RFX7: variants seen among roughly 807,000 people sequenced by gnomAD.
RFX7 encodes regulatory factor X7, also known as DNA-binding protein RFX7.
In RFX7, 26 loss-of-function variants were observed where a neutral mutation model predicts 111.8. That is an observed-to-expected ratio of 0.23 (90% CI 0.17 to 0.32). The LOEUF is 0.32. Among genes scored for constraint, RFX7 ranks in the 10% least tolerant of loss-of-function variants. The pLI is 1.00. For missense variants in RFX7, 1,573 were observed against 1,772.9 expected, an observed-to-expected ratio of 0.89 and a Z score of 2.02; for synonymous variants, 624 against 624.4, an observed-to-expected ratio of 1.00 and a Z score of 0.01.
chr15:56,105,827 A>C (rs568568572), intron 5 of RFX7, among the ~76,000 whole-genome samples: 7 of 152,314 alleles, frequency 4.6e-5, no homozygotes, highest in African/African-American at 1.7e-4. Context: ...GCTCCAGAGA[A>C]TGAAGGAAAG....
chr15:56,205,922 T>C (rs1267138841), intron 2 of RFX7, among the ~76,000 whole-genome samples: 1 of 152,098 alleles, frequency 6.6e-6, no homozygotes, highest in African/African-American at 2.4e-5. Flanking sequence ...AAAAATTATA[T>C]AAAAACCCAG....
chr15:56,110,837 C>A (rs1595932997), intron 5 of RFX7, among the ~76,000 whole-genome samples: 1 of 5,410 alleles, frequency 1.8e-4, no homozygotes, highest in African/African-American at 2.0e-4. Flanking sequence ...GCCCTGCCGC[C>A]CCTACTGGGA....
rs764613013 is a variant in RFX7, at chr15:56,094,166, T to C, written c.3562A>G (p.Ile1188Val). The C allele has an allele frequency of 6.2e-7, 1 of 1,613,956 alleles. No individual in the cohort carries two copies. Among genetic ancestry groups the C allele is most frequent in the Non-Finnish European group, 8.5e-7 (1 of 1,179,874 alleles). The stretch of plus-strand genomic sequence containing the variant: ...AAGGGGGTCACATTAGATCGTGGGA[T>C]ATTAGATACTGGATAGAGGGTGCTT... ...SGSTLYPVSN[I>V]PRSNVTPFGS... The change falls in exon 10 of 10, where the codon ATC (isoleucine) becomes GTC (valine). Residue 1188 changes from isoleucine (I) to valine (V), a missense_variant. Ile to Val is a conservative substitution (Grantham distance 29). This residue lies in a region of RFX7 where 411 missense variants were observed against 478.1 expected (regional missense o/e 0.86). Transcript: ENST00000559447.
At chr15:56,110,060 C>G (rs759119146) in intron 5 of RFX7, among the ~76,000 whole-genome samples, 1 of 118,770 alleles carries the variant, frequency 8.4e-6, no homozygotes, top group African/African-American at 3.5e-5. Context: ...AGCCCCTCTG[C>G]CCAGCCAGCC....
chr15:56,110,467 G>T (rs2041910537), intron 5 of RFX7, among the ~76,000 whole-genome samples: 1 of 129,638 alleles, frequency 7.7e-6, no homozygotes, highest in Non-Finnish European at 1.7e-5. Context: ...GGCGAGGGGA[G>T]CCTCTGCCCT....
chr15:56,185,544 C>T (rs539038211), intron 2 of RFX7, among the ~76,000 whole-genome samples: 1 of 152,140 alleles, frequency 6.6e-6, no homozygotes, highest in African/African-American at 2.4e-5. Flanking sequence ...CAATTTTTGC[C>T]TTCTTAACTC....
rs183559602 is a variant in RFX7, at chr15:56,163,227, C to A, written c.195+16043G>T. Among the ~76,000 whole-genome samples the A allele has an allele frequency of 1.1e-3, 164 of 152,124 alleles. 1 individual carries two copies. The highest frequency in any genetic ancestry group is 3.8e-3 in the African/African-American group (157 of 41,510). On this transcript the variant is annotated intron_variant, in intron 3 of 9. Transcript: ENST00000559447. ...AATTGCATACTCCACACATCCATAA[C>A]CCCTCACAGATGCAGCATATATCTC...
intron 2 of RFX7, among the ~76,000 whole-genome samples, chr15:56,226,621 C>T (rs1013743436): frequency 2.0e-5 from 3 of 152,106 alleles, no homozygotes; most frequent in Non-Finnish European, 2.9e-5. Flanking sequence ...AAAGAAAACC[C>T]AGGCTTAAAT....
intron 2 of RFX7, among the ~76,000 whole-genome samples, chr15:56,207,282 A>G (rs1371735784): frequency 1.3e-5 from 2 of 152,212 alleles, no homozygotes; most frequent in South Asian, 2.1e-4. Flanking sequence ...GGAGGAGGAA[A>G]TGGGGGGGTA....
At chr15:56,230,718 G>A (rs1466575911) in intron 2 of RFX7, among the ~76,000 whole-genome samples, 1 of 152,244 alleles carries the variant, frequency 6.6e-6, no homozygotes, top group African/African-American at 2.4e-5. Flanking sequence ...TACACACTAT[G>A]AAGTCAAGAA....
At chr15:56,104,640 A>G (rs1332453167) in intron 5 of RFX7, among the ~76,000 whole-genome samples, 1 of 152,214 alleles carries the variant, frequency 6.6e-6, no homozygotes, top group Non-Finnish European at 1.5e-5. Context: ...TAACATCCCT[A>G]AAGTGACCTT....
At position 56,093,339 on chromosome 15, in the gene RFX7, C is replaced by T. The variant is rs535419094; in HGVS notation, c.*6G>A. On this transcript the variant is annotated 3_prime_UTR_variant, in exon 10 of 10. Transcript: ENST00000559447. ...ATACAGTGTGCTACATGTTATAAAACACAATTTAACCCAACATTTCAACAG... is the reference window on the plus strand; with the variant it reads ...ATACAGTGTGCTACATGTTATAAAATACAATTTAACCCAACATTTCAACAG... 4.4e-6 allele frequency: 7 copies of T among 1,594,850 alleles called. No homozygotes were observed. The East Asian group carries it at 1.6e-4, about 36-fold the overall frequency.
intron 2 of RFX7, among the ~76,000 whole-genome samples, chr15:56,221,697 C>T (rs1403556132): frequency 6.6e-6 from 1 of 151,962 alleles, no homozygotes; most frequent in Non-Finnish European, 1.5e-5. Context: ...TTTACCTGTA[C>T]CACTTTGACA....
chr15:56,242,014 G>A (rs979652367), intron 2 of RFX7, among the ~76,000 whole-genome samples: 4 of 152,128 alleles, frequency 2.6e-5, no homozygotes, highest in African/African-American at 9.7e-5. Flanking sequence ...TTAAAAATGT[G>A]CAAATACTGT....
At chr15:56,106,569 T>C (rs2041832640) in intron 5 of RFX7, among the ~76,000 whole-genome samples, 1 of 152,226 alleles carries the variant, frequency 6.6e-6, no homozygotes, top group Non-Finnish European at 1.5e-5. Flanking sequence ...CTGCCAGATG[T>C]AGAAATGGTC....
chr15:56,116,853 G>A lies in RFX7; in HGVS notation c.402-13183C>T, dbSNP rs118069283. On this transcript the variant is annotated intron_variant, in intron 5 of 9. Transcript: ENST00000559447. ...CAAACATTGTACAGTTGTACAAATT[G>A]TACAAACATTGTACAGTTGTACAAA... 8.2e-4 allele frequency among the ~76,000 whole-genome samples: 125 copies of A among 152,264 alleles called. 1 individual carries two copies. The East Asian group carries it at 0.023, about 28-fold the overall frequency.
intron 5 of RFX7, among the ~76,000 whole-genome samples, chr15:56,108,643 C>G (rs2041863877): frequency 1.3e-5 from 2 of 152,076 alleles, no homozygotes; most frequent in South Asian, 4.1e-4. Context: ...CGGCACAAGA[C>G]AAGAATGTAC....
In RFX7 at chr15:56,096,324, A is replaced by C; in HGVS notation, c.1404T>G (p.Ser468Arg). Residue 468 changes from serine (S) to arginine (R), a missense_variant, in exon 10 of 10, where the codon AGT becomes AGG. Coordinates refer to ENST00000559447, the MANE Select transcript of RFX7 (RefSeq NM_022841.7). ...KTAVVPASHM[S>R]SLNVVKMTTI... ...TTGTCATTTTCACCACATTTAGAGA[A>C]CTCATGTGTGAAGCGGGTACAACAG... 6.2e-7 allele frequency: 1 copy of C among 1,613,902 alleles called. No individual in the cohort carries two copies. Among genetic ancestry groups the C allele is most frequent in the Non-Finnish European group, 8.5e-7 (1 of 1,179,864 alleles).
intron 5 of RFX7, among the ~76,000 whole-genome samples, chr15:56,142,003 C>A (rs1178575082): frequency 1.3e-5 from 2 of 152,022 alleles, no homozygotes; most frequent in African/African-American, 4.8e-5. Flanking sequence ...TTACCTTACA[C>A]TGGTTAGCAA....
Sources: gnomAD v4.1 joint callset for allele counts (sites outside exome capture counted in the v4.1 genomes callset) on GRCh38, gnomAD v4.1.1 for gene constraint, gnomAD v4.1.1 regional missense constraint, MANE v1.5 for transcripts, NCBI Gene and HGNC (gene_info 2026-07-23, HGNC 2026-07-21) for gene names.